NDUFS1: variants seen among roughly 807,000 people sequenced by gnomAD.
The protein encoded by NDUFS1 is NADH-ubiquinone oxidoreductase 75 kDa subunit, mitochondrial.
A neutral mutation model predicts 84.4 loss-of-function variants in NDUFS1; 61 were observed. That is an observed-to-expected ratio of 0.72 (90% CI 0.59 to 0.89). The LOEUF (loss-of-function observed/expected upper bound fraction) is 0.89. Among genes scored for constraint, NDUFS1 ranks in the 40% least tolerant of loss-of-function variants. The pLI is 0.00. For missense variants in NDUFS1, 891 were observed against 890.0 expected, an observed-to-expected ratio of 1.00 and a Z score of -0.01; for synonymous variants, 275 against 290.0, an observed-to-expected ratio of 0.95 and a Z score of 0.53.
At chr2:206,130,051 A>T in intron 15 of NDUFS1, 37 bp downstream of exon 15, 4 of 1,608,988 alleles carry the variant, frequency 2.5e-6, no homozygotes, top group Non-Finnish European at 3.4e-6. Flanking sequence ...ATAATGTACT[A>T]CTCTCTTTTG....
intron 12 of NDUFS1, among the ~76,000 whole-genome samples, chr2:206,141,092 C>T (rs536255693): frequency 3.1e-4 from 47 of 152,104 alleles, no homozygotes; most frequent in Middle Eastern, 6.8e-3. Flanking sequence ...ATTTAAAAGA[C>T]TCGCAAGGAG....
rs1168949244 is a variant in NDUFS1, at chr2:206,119,157, C to T, written c.*5028G>A. On this transcript the variant is annotated 3_prime_UTR_variant, in exon 19 of 19. Transcript: ENST00000233190. The stretch of plus-strand genomic sequence containing the variant: ...GAGATTATTTTAGGCATGGCTTTCC[C>T]TCATAGTCTATGAAATTTTCCTACA... The T allele has an allele frequency of 6.6e-6, 1 of 152,142 alleles. No individual in the cohort carries two copies. Among genetic ancestry groups the T allele is most frequent in the Non-Finnish European group, 1.5e-5 (1 of 68,018 alleles). The allele number at this position is 152,142 out of a possible 1,614,324, so 9.4% of individuals were successfully genotyped here. A position where few individuals can be genotyped will look rare whatever the true frequency, so the allele number is the denominator to read the frequency against.
In NDUFS1 at chr2:206,124,195, G is replaced by C; in HGVS notation, c.2174C>G (p.Ser725Cys). 1 of 1,608,662 alleles carries C rather than the reference G, an allele frequency of 6.2e-7. No homozygotes were observed. Among genetic ancestry groups the C allele is most frequent in the Non-Finnish European group, 8.5e-7 (1 of 1,175,106 alleles). ...ATCCTAGTAGAAGCTTCAGCATATG[G>C]ATGGTTCCTCTACTGCCTGGGCACC... ...TEGAQAVEEPSIC is the reference protein window; with the variant it reads ...TEGAQAVEEPCIC The change falls in exon 19 of 19, where the codon TCC becomes TGC. Residue 725 changes from serine (S) to cysteine (C), a missense_variant. Physicochemically the swap from Ser to Cys is moderately radical, Grantham distance 112. Transcript: ENST00000233190.
intron 13 of NDUFS1, among the ~76,000 whole-genome samples, chr2:206,135,598 C>G (rs1378218252): frequency 6.6e-6 from 1 of 151,442 alleles, no homozygotes; most frequent in East Asian, 2.0e-4. Context: ...TTGAACCTGG[C>G]AGACTGAGGT....
intron 1 of NDUFS1, among the ~76,000 whole-genome samples, chr2:206,155,318 T>C (rs188444571): frequency 3.3e-4 from 50 of 152,080 alleles, no homozygotes; most frequent in African/African-American, 1.2e-3. Context: ...GGTTTCATCG[T>C]GTTAGCCATG....
At chr2:206,158,966 G>A in intron 1 of NDUFS1, 2 of 959,030 alleles carry the variant, frequency 2.1e-6, no homozygotes, top group Non-Finnish European at 3.1e-6. Context: ...AAAATCTGGG[G>A]GGAAAGGCTT....
chr2:206,128,743 T>C (rs1171254917), intron 15 of NDUFS1, among the ~76,000 whole-genome samples: 1 of 151,594 alleles, frequency 6.6e-6, no homozygotes. Context: ...ATCACACCAC[T>C]GCACTCCAGC....
chr2:206,127,736 CA>C (rs1691347355), intron 16 of NDUFS1, 60 bp downstream of exon 16: 1 of 1,552,534 alleles, frequency 6.4e-7, no homozygotes, highest in East Asian at 2.3e-5. Flanking sequence ...ATCATTCTAA[CA>C]GGCTAAAATA....
chr2:206,138,294 T>G (rs1691799641), intron 13 of NDUFS1, among the ~76,000 whole-genome samples, 191 bp downstream of exon 13: 1 of 152,238 alleles, frequency 6.6e-6, no homozygotes, highest in African/African-American at 2.4e-5. Flanking sequence ...TTGCCCAGTC[T>G]GGTCTTGAAC....
Position 206,152,502 on chromosome 2 carries a change from T to C in NDUFS1, c.70A>G (p.Thr24Ala), listed in dbSNP as rs774332882. 47 of 1,613,992 alleles carry C rather than the reference T, an allele frequency of 2.9e-5. No individual in the cohort carries two copies. In the East Asian group the frequency reaches 1.0e-3, roughly 36 times the overall value. The change falls in exon 3 of 19, where the codon ACT (threonine) becomes GCT (alanine). Residue 24 changes from threonine to alanine, a missense_variant. Physicochemically the swap from Thr to Ala is moderately conservative, Grantham distance 58. Coordinates refer to ENST00000233190, the MANE Select transcript of NDUFS1 (RefSeq NM_005006.7). ...ATCAAGTTGCTTGCTGCTGTGGCAG[T>C]TGTTCGAACTGACCATCAAAGATAT... ...SKSPKGCVRT[T>A]ATAASNLIEV...
At chr2:206,159,238 G>C (rs188574119) in intron 1 of NDUFS1, 103 bp downstream of exon 1, 7 of 1,174,580 alleles carry the variant, frequency 6.0e-6, no homozygotes, top group Non-Finnish European at 8.6e-6. Context: ...GCCCAGTCAA[G>C]GACAACAGAA....
intron 12 of NDUFS1, among the ~76,000 whole-genome samples, chr2:206,140,182 A>C (rs1023242865): frequency 3.3e-5 from 5 of 152,088 alleles, no homozygotes; most frequent in African/African-American, 9.7e-5. Context: ...CTGTCTCTAC[A>C]AAAGGTATTT....
At chr2:206,134,758 CTTGAGGCCAGGAGT>C (rs367840069) in intron 13 of NDUFS1, among the ~76,000 whole-genome samples, 11 of 152,154 alleles carry the variant, frequency 7.2e-5, no homozygotes, top group African/African-American at 2.4e-4. Flanking sequence ...GGGAGAATTG[CTTGAGGCCAGGAGT>C]TTGAGGCCAG....
chr2:206,158,825 G>A (rs1227710856), intron 1 of NDUFS1, among the ~76,000 whole-genome samples: 1 of 152,112 alleles, frequency 6.6e-6, no homozygotes, highest in Non-Finnish European at 1.5e-5. Context: ...TCAATTTCCC[G>A]TTAGTTAAAG....
Position 206,158,804 on chromosome 2 carries a change from A to T in NDUFS1, c.-5+537T>A, listed in dbSNP as rs145653920. Among the ~76,000 whole-genome samples, 282 of 152,348 alleles carry T rather than the reference A, an allele frequency of 1.9e-3. 1 individual carries two copies. Among genetic ancestry groups the T allele is most frequent in the Non-Finnish European group, 3.2e-3 (218 of 68,036 alleles). On this transcript the variant is annotated intron_variant, in intron 1 of 18. Coordinates refer to ENST00000233190, the MANE Select transcript of NDUFS1 (RefSeq NM_005006.7). ...TGCAATCCTGGGCTAACTTTTCAAA[A>T]GTCGTTTTTCTCAATTTCCCGTTAG...
chr2:206,141,996 C>T lies in NDUFS1; in HGVS notation c.1207G>A (p.Val403Ile). 1 of 1,610,076 alleles carries T rather than the reference C, an allele frequency of 6.2e-7. No homozygotes were observed. Among genetic ancestry groups the T allele is most frequent in the Non-Finnish European group, 8.5e-7 (1 of 1,176,418 alleles). ...GCCTCAAAACGTGGGTTTGTACCAA[C>T]CAGAAGAACAACATCTGCCTCTTCC... ...GVEEADVVLL[V>I]GTNPRFEAPL... The change falls in exon 12 of 19, where the codon GTT becomes ATT. Residue 403 changes from valine to isoleucine, a missense_variant. By Grantham distance (29) the Val-to-Ile change is conservative. Coordinates refer to ENST00000233190, the MANE Select transcript of NDUFS1 (RefSeq NM_005006.7).
chr2:206,123,437 A>C lies in NDUFS1; in HGVS notation c.*748T>G, dbSNP rs1691163548. On this transcript the variant is annotated 3_prime_UTR_variant, in exon 19 of 19. Transcript: ENST00000233190. ...ACCATTAAACTCAATACTAATTTTT[A>C]GAAGTAACAACCTATAGAATCAACA... 1 of 152,192 alleles carries C rather than the reference A, an allele frequency of 6.6e-6. No individual in the cohort carries two copies. Among genetic ancestry groups the C allele is most frequent in the Non-Finnish European group, 1.5e-5 (1 of 68,032 alleles). The allele number at this position is 152,192 out of a possible 1,614,324, so 9.4% of individuals were successfully genotyped here. A position where few individuals can be genotyped will look rare whatever the true frequency, so the allele number is the denominator to read the frequency against.
At position 206,149,063 on chromosome 2, in the gene NDUFS1, C is replaced by T. The variant is rs953640789; in HGVS notation, c.295G>A (p.Gly99Ser). 1.9e-6 allele frequency: 3 copies of T among 1,612,932 alleles called. No individual in the cohort carries two copies. Among genetic ancestry groups the T allele is most frequent in the Middle Eastern group, 1.7e-4 (1 of 6,056 alleles). The change falls in exon 5 of 19, where the codon GGT (glycine) becomes AGT (serine). Residue 99 changes from glycine (G) to serine (S), a missense_variant. Coordinates refer to ENST00000233190, the MANE Select transcript of NDUFS1 (RefSeq NM_005006.7). ...VAACAMPVMK[G>S]WNILTNSEKS... ...TCTGAGTTTGTTAGGATATTCCAAC[C>T]CTTCATTACTGGCATGGCACAAGCA...
chr2:206,142,599 T>C, intron 11 of NDUFS1, 87 bp downstream of exon 11: 1 of 1,523,132 alleles, frequency 6.6e-7, no homozygotes, highest in Non-Finnish European at 9.1e-7. Context: ...GGGGGATATG[T>C]TGGAGAATCC....
Sources: gnomAD v4.1 joint callset for allele counts (sites outside exome capture counted in the v4.1 genomes callset) on GRCh38, gnomAD v4.1.1 for gene constraint, MANE v1.5 for transcripts, NCBI Gene and HGNC (gene_info 2026-07-23, HGNC 2026-07-21) for gene names.